The following DLG2 variants were observed in gnomAD, a reference collection of about 807,000 sequenced individuals.
DLG2 encodes disks large homolog 2.
DLG2 carries 45 observed loss-of-function variants against 132.5 expected under a neutral mutation model. The observed-to-expected ratio is 0.34, with a 90% CI of 0.27 to 0.44. DLG2 has a LOEUF of 0.44. DLG2 is among the 20% of genes least tolerant of loss of function. The pLI, the probability that DLG2 is intolerant of heterozygous loss-of-function variation, is 1.00. For synonymous variants in DLG2, 424 were observed against 419.6 expected, an observed-to-expected ratio of 1.01 and a Z score of -0.13; for missense variants, 1,045 against 1,196.9, an observed-to-expected ratio of 0.87 and a Z score of 1.87.
At position 85,036,463 on chromosome 11, in the gene DLG2, A is replaced by G. The variant is rs1299384672; in HGVS notation, c.357+75198T>C. 2.0e-5 allele frequency among the ~76,000 whole-genome samples: 3 copies of G among 152,218 alleles called. No individual in the cohort carries two copies. The East Asian group carries it at 5.8e-4, about 29-fold the overall frequency. ...AATAAAGAGAAGTACTTAACATACT[A>G]TGTAGCACAGTGAATCAAATAGAAA... On this transcript the variant is annotated intron_variant, in intron 6 of 27. Coordinates refer to ENST00000376104, the MANE Select transcript of DLG2 (RefSeq NM_001142699.3).
chr11:84,595,478 CT>C (rs1450766376), intron 6 of DLG2, among the ~76,000 whole-genome samples: 2 of 145,500 alleles, frequency 1.4e-5, no homozygotes, highest in African/African-American at 5.0e-5. Context: ...GGTAAATTTC[CT>C]TTTTCTAAAA....
intron 6 of DLG2, among the ~76,000 whole-genome samples, chr11:84,760,410 C>T (rs2067454653): frequency 6.6e-6 from 1 of 152,204 alleles, no homozygotes; most frequent in Non-Finnish European, 1.5e-5. Context: ...AAATTGGCTT[C>T]ATTACCAAAT....
At chr11:84,493,769 C>A (rs528888298) in intron 7 of DLG2, among the ~76,000 whole-genome samples, 1 of 152,102 alleles carries the variant, frequency 6.6e-6, no homozygotes, top group Admixed American at 6.6e-5. Flanking sequence ...ATAATGTATA[C>A]AAAGTGCTTA....
intron 3 of DLG2, among the ~76,000 whole-genome samples, chr11:85,427,203 C>T (rs1311031722): frequency 6.6e-6 from 1 of 151,872 alleles, no homozygotes; most frequent in Non-Finnish European, 1.5e-5. Context: ...AAGCACTCTA[C>T]AGGATATTAT....
intron 4 of DLG2, among the ~76,000 whole-genome samples, chr11:85,170,434 C>T (rs1426042812): frequency 6.6e-6 from 1 of 152,070 alleles, no homozygotes; most frequent in African/African-American, 2.4e-5. Context: ...CTATGACTCA[C>T]CCAAGGGGAG....
At chr11:85,035,102 G>A (rs958850504) in intron 6 of DLG2, among the ~76,000 whole-genome samples, 1 of 152,162 alleles carries the variant, frequency 6.6e-6, no homozygotes, top group Non-Finnish European at 1.5e-5. Context: ...TCTTGTCCCT[G>A]TGGCTTTATC....
At chr11:83,645,219 G>A (rs1284847409) in intron 18 of DLG2, among the ~76,000 whole-genome samples, 1 of 152,134 alleles carries the variant, frequency 6.6e-6, no homozygotes, top group East Asian at 1.9e-4. Flanking sequence ...ACAGAAAGGA[G>A]CTGCCATTGA....
intron 7 of DLG2, chr11:84,317,457 G>T: frequency 1.2e-6 from 1 of 868,656 alleles, no homozygotes; most frequent in Non-Finnish European, 1.5e-6. Flanking sequence ...TGTACACTGT[G>T]TTACAAACCC....
At chr11:85,392,306 A>T (rs2086868357) in intron 3 of DLG2, among the ~76,000 whole-genome samples, 1 of 152,106 alleles carries the variant, frequency 6.6e-6, no homozygotes. Flanking sequence ...ACAAATGGAA[A>T]CATATCCCAT....
At position 85,153,579 on chromosome 11, in the gene DLG2, C is replaced by G. The variant is rs147865538; in HGVS notation, c.282+977G>C. 2.9e-3 allele frequency among the ~76,000 whole-genome samples: 440 copies of G among 152,024 alleles called. 1 individual carries two copies. The highest frequency in any genetic ancestry group is 0.01 in the African/African-American group (429 of 41,486). ...AGGTTTATTTAAACACAGAAGATAT[C>G]CCTAAAAAATACTCCCAATTATTTT... On this transcript the variant is annotated intron_variant, in intron 5 of 27. Transcript: ENST00000376104.
chr11:83,643,366 C>G (rs549304600), intron 18 of DLG2, among the ~76,000 whole-genome samples: 9 of 152,188 alleles, frequency 5.9e-5, no homozygotes, highest in African/African-American at 1.9e-4. Flanking sequence ...GTGATTCTCT[C>G]AAGATTTTAT....
intron 21 of DLG2, chr11:83,486,350 G>GAA: frequency 9.4e-6 from 5 of 533,782 alleles, no homozygotes; most frequent in Non-Finnish European, 9.9e-6. Flanking sequence ...GACTTGTCAT[G>GAA]CAAAAAAAAA....
At chr11:84,372,601 C>T (rs1260969582) in intron 7 of DLG2, among the ~76,000 whole-genome samples, 3 of 152,170 alleles carry the variant, frequency 2.0e-5, no homozygotes, top group Non-Finnish European at 2.9e-5. Flanking sequence ...TTTCCAGATG[C>T]TACTAGTCAA....
intron 18 of DLG2, among the ~76,000 whole-genome samples, chr11:83,686,431 A>G (rs750365436): frequency 6.6e-6 from 1 of 152,106 alleles, no homozygotes; most frequent in African/African-American, 2.4e-5. Context: ...AATATTTTAT[A>G]GTTCTTTGTT....
chr11:84,617,739 A>T (rs1435446682), intron 6 of DLG2, among the ~76,000 whole-genome samples: 1 of 152,056 alleles, frequency 6.6e-6, no homozygotes, highest in East Asian at 1.9e-4. Context: ...GGCACTTTTG[A>T]AAATAAAAGT....
intron 6 of DLG2, among the ~76,000 whole-genome samples, chr11:84,603,771 T>C (rs550072524): frequency 1.3e-5 from 2 of 152,110 alleles, no homozygotes; most frequent in Non-Finnish European, 2.9e-5. Flanking sequence ...TATAAACATT[T>C]ATTGAACACC....
At chr11:84,980,843 T>A (rs1217034096) in intron 6 of DLG2, among the ~76,000 whole-genome samples, 1 of 152,210 alleles carries the variant, frequency 6.6e-6, no homozygotes, top group Non-Finnish European at 1.5e-5. Flanking sequence ...TGCCTTGAAG[T>A]GCTCATGTCA....
intron 6 of DLG2, among the ~76,000 whole-genome samples, chr11:84,812,987 C>A (rs1428577412): frequency 1.3e-5 from 2 of 152,022 alleles, no homozygotes; most frequent in Non-Finnish European, 2.9e-5. Flanking sequence ...TCTTGTTGGT[C>A]TTTTGAGAGC....
intron 6 of DLG2, among the ~76,000 whole-genome samples, chr11:84,658,822 G>T (rs941177865): frequency 4.6e-5 from 7 of 152,282 alleles, no homozygotes; most frequent in Non-Finnish European, 1.0e-4. Context: ...TGAACTATAA[G>T]CCAAGTAACC....
Sources: gnomAD v4.1 joint callset for allele counts (sites outside exome capture counted in the v4.1 genomes callset) on GRCh38, gnomAD v4.1.1 for gene constraint, MANE v1.5 for transcripts, NCBI Gene and HGNC (gene_info 2026-07-23, HGNC 2026-07-21) for gene names.